GFRA3: variants seen among roughly 807,000 people sequenced by gnomAD.
The protein encoded by GFRA3 is GDNF family receptor alpha 3.
A neutral mutation model predicts 40.0 loss-of-function variants in GFRA3; 24 were observed. The observed-to-expected ratio is 0.60, with a 90% CI of 0.43 to 0.84. The LOEUF (loss-of-function observed/expected upper bound fraction) is 0.84. GFRA3 is among the 40% of genes least tolerant of loss of function. The pLI is 0.00. For synonymous variants in GFRA3, 203 were observed against 213.5 expected (o/e 0.95, Z 0.43); for missense variants, 405 against 530.6 (o/e 0.76, Z 2.33).
In GFRA3 at chr5:138,261,711, A is replaced by G. The variant is rs189540080; in HGVS notation, c.380-2062T>C. On this transcript the variant is annotated intron_variant, in intron 2 of 7. Transcript: ENST00000274721. The stretch of plus-strand genomic sequence containing the variant: ...TCTGTCTCAAAAAAAAAAAAAAAAA[A>G]AAAAAAGAAGAAGAAGAAGAAATGC... Among the ~76,000 whole-genome samples, 353 of 151,188 alleles carry G rather than the reference A, an allele frequency of 2.3e-3. 3 individuals are homozygous for G. Among genetic ancestry groups the G allele is most frequent in the Non-Finnish European group, 4.2e-3 (285 of 67,746 alleles).
intron 2 of GFRA3, among the ~76,000 whole-genome samples, chr5:138,263,650 C>T (rs1189210546): frequency 6.6e-6 from 1 of 152,222 alleles, no homozygotes; most frequent in African/African-American, 2.4e-5. Context: ...CACCTTGAGC[C>T]TGGATCCCAG....
chr5:138,274,186 C>T, intron 1 of GFRA3, 148 bp downstream of exon 1: 1 of 1,081,434 alleles, frequency 9.2e-7, no homozygotes, highest in Non-Finnish European at 1.2e-6. Flanking sequence ...CTTGCAGGCA[C>T]CCTGGGCTTC....
chr5:138,262,840 ATGACT>A (rs1240435468), intron 2 of GFRA3, among the ~76,000 whole-genome samples: 2 of 152,146 alleles, frequency 1.3e-5, no homozygotes, highest in Non-Finnish European at 1.5e-5. Flanking sequence ...TAGGAAGCAG[ATGACT>A]TGTCTTTTTA....
At chr5:138,262,458 C>A (rs902955741) in intron 2 of GFRA3, among the ~76,000 whole-genome samples, 2 of 152,044 alleles carry the variant, frequency 1.3e-5, no homozygotes, top group Non-Finnish European at 2.9e-5. Context: ...TTCATTCATT[C>A]ATTTATTTAT....
At chr5:138,265,319 C>T (rs539562639) in intron 1 of GFRA3, among the ~76,000 whole-genome samples, 9 of 148,526 alleles carry the variant, frequency 6.1e-5, no homozygotes, top group East Asian at 2.0e-4. Context: ...CGGGTTCAAG[C>T]GATTCTCCTG....
At chr5:138,265,934 G>A (rs533475277) in intron 1 of GFRA3, among the ~76,000 whole-genome samples, 14 of 151,540 alleles carry the variant, frequency 9.2e-5, no homozygotes, top group Admixed American at 3.3e-4. Flanking sequence ...GACCTCAGAT[G>A]ATCTGCCTGC....
intron 3 of GFRA3, 63 bp from the exon 4 acceptor site, chr5:138,258,014 A>AAT: frequency 7.4e-7 from 1 of 1,352,282 alleles, no homozygotes; most frequent in Non-Finnish European, 1.1e-6. Context: ...CCCAGGTTCC[A>AAT]CAGGAACCCC....
At chr5:138,269,413 G>C (rs997506467) in intron 1 of GFRA3, among the ~76,000 whole-genome samples, 5 of 151,782 alleles carry the variant, frequency 3.3e-5, no homozygotes, top group African/African-American at 1.2e-4. Context: ...GCGGGCACCT[G>C]TTATCCCAGC....
intron 1 of GFRA3, among the ~76,000 whole-genome samples, chr5:138,268,495 A>G (rs1480926372): frequency 2.6e-5 from 4 of 151,942 alleles, no homozygotes; most frequent in Non-Finnish European, 5.9e-5. Flanking sequence ...AGCAGAGTAA[A>G]CAGACAACCC....
Position 138,271,899 on chromosome 5 carries a change from T to TG in GFRA3, c.91+2434_91+2435insC, listed in dbSNP as rs1554111191. On this transcript the variant is annotated intron_variant, in intron 1 of 7. Transcript: ENST00000274721. ...GGCAGTATTTTCTTTTCTGTTTTTT[T>TG]TTTTTTTTTTTTTTTGTGTGTGTGT... Among the ~76,000 whole-genome samples the TG allele has an allele frequency of 7.0e-4, 71 of 101,350 alleles. 1 individual carries two copies. The highest frequency in any genetic ancestry group is 1.6e-3 in the African/African-American group (45 of 28,160). 66.5% of individuals were successfully genotyped at this position (101,350 alleles called of 152,430 possible).
In GFRA3 at chr5:138,253,860, G is replaced by C; in HGVS notation, c.930C>G (p.Thr310=). 2 of 1,613,712 alleles carry C rather than the reference G, an allele frequency of 1.2e-6. No individual in the cohort carries two copies. Among genetic ancestry groups the C allele is most frequent in the Non-Finnish European group, 8.5e-7 (1 of 1,179,626 alleles). ...GGCAGGTGCAGCTTAAGGCAACACTGGTGTTGACATTGCTGACAAAGTTGG... is the reference window on the plus strand; with the variant it reads ...GGCAGGTGCAGCTTAAGGCAACACTCGTGTTGACATTGCTGACAAAGTTGG... ...MTPNFVSNVN[T]SVALSCTCRG... is the part of the protein sequence containing the mutation. Residue 310 remains threonine, a synonymous_variant, in exon 6 of 8, where the codon ACC becomes ACG. Coordinates refer to ENST00000274721, the MANE Select transcript of GFRA3 (RefSeq NM_001496.4).
Position 138,274,567 on chromosome 5 carries a change from G to T in GFRA3, c.-143C>A. On this transcript the variant is annotated 5_prime_UTR_variant, in exon 1 of 8. Coordinates refer to ENST00000274721, the MANE Select transcript of GFRA3 (RefSeq NM_001496.4). The stretch of plus-strand genomic sequence containing the variant: ...ACACTCTCCCACCAGGGTCCTGGGC[G>T]CCGCCCTCCAACTCCGAAGCGCGCG... 2 of 1,228,282 alleles carry T rather than the reference G, an allele frequency of 1.6e-6. No homozygotes were observed. Among genetic ancestry groups the T allele is most frequent in the Non-Finnish European group, 2.0e-6 (2 of 986,014 alleles). 76.1% of individuals were successfully genotyped at this position (1,228,282 alleles called of 1,614,324 possible). A position where few individuals can be genotyped will look rare whatever the true frequency, so the allele number is the denominator to read the frequency against.
At chr5:138,267,107 CTGACGAAGG>C (rs1234895521) in intron 1 of GFRA3, 4 of 194,850 alleles carry the variant, frequency 2.1e-5, no homozygotes, top group Non-Finnish European at 4.4e-5. Context: ...AAGGGTACTC[CTGACGAAGG>C]TGACTATTTT....
chr5:138,260,117 C>G (rs1208516240), intron 2 of GFRA3, among the ~76,000 whole-genome samples: 55 of 152,088 alleles, frequency 3.6e-4, no homozygotes, highest in Admixed American at 3.6e-3. Context: ...GAGGATTATA[C>G]GTCCCCACCT....
intron 4 of GFRA3, among the ~76,000 whole-genome samples, chr5:138,255,313 A>T (rs1248728230): frequency 6.6e-6 from 1 of 152,178 alleles, no homozygotes; most frequent in Non-Finnish European, 1.5e-5. Context: ...GGAAAGTGGT[A>T]GTCTCAGAAG....
At chr5:138,256,543 A>AC (rs1440587994) in intron 4 of GFRA3, among the ~76,000 whole-genome samples, 2 of 131,238 alleles carry the variant, frequency 1.5e-5, no homozygotes, top group Non-Finnish European at 3.5e-5. Context: ...AAACAAACAA[A>AC]AAAAAACAAA....
intron 2 of GFRA3, among the ~76,000 whole-genome samples, chr5:138,261,740 T>C (rs570616095): frequency 1.3e-5 from 2 of 148,578 alleles, no homozygotes; most frequent in South Asian, 2.2e-4. Flanking sequence ...GAAATGCCAC[T>C]GTTTCTTGTA....
intron 7 of GFRA3, 62 bp downstream of exon 7, chr5:138,253,225 A>T (rs1306912082): frequency 1.8e-6 from 2 of 1,110,056 alleles, no homozygotes; most frequent in Admixed American, 4.0e-5. Context: ...TTGTCTGCCT[A>T]GTTTGGGTTT....
intron 2 of GFRA3, 87 bp downstream of exon 2, chr5:138,264,174 C>T: frequency 1.1e-6 from 1 of 942,216 alleles, no homozygotes; most frequent in Non-Finnish European, 1.6e-6. Context: ...TCAGATTCTA[C>T]CATGTGGCCC....
Sources: gnomAD v4.1 joint callset for allele counts (sites outside exome capture counted in the v4.1 genomes callset) on GRCh38, gnomAD v4.1.1 for gene constraint, MANE v1.5 for transcripts, NCBI Gene and HGNC (gene_info 2026-07-23, HGNC 2026-07-21) for gene names.